The following SPIB variants were observed in gnomAD, a reference collection of about 807,000 sequenced individuals.
SPIB encodes Spi-B transcription factor.
In SPIB, 7 loss-of-function variants were observed where a neutral mutation model predicts 31.9. The observed-to-expected ratio is 0.22, with a 90% CI of 0.12 to 0.41. The LOEUF (loss-of-function observed/expected upper bound fraction) is 0.41, where lower values mean the gene tolerates loss of function less well. Ranked by LOEUF, SPIB falls within the 10% of genes least tolerant of loss-of-function variation. The pLI is 1.00. For synonymous variants in SPIB, 176 were observed against 158.9 expected, an observed-to-expected ratio of 1.11 and a Z score of -0.81; for missense variants, 327 against 360.2, an observed-to-expected ratio of 0.91 and a Z score of 0.75.
Position 50,428,341 on chromosome 19 carries a change from A to T in SPIB, c.*5A>T, listed in dbSNP as rs1202997019. On this transcript the variant is annotated 3_prime_UTR_variant, in exon 6 of 6. Coordinates refer to ENST00000595883, the MANE Select transcript of SPIB (RefSeq NM_003121.5). The surrounding 1 kb of genome is among the most constrained non-coding windows in gnomAD (Gnocchi z 6.5). ...CCTGCAGTCCGCCGGGCCTGAGCAC[A>T]CCCGAGGCTCCCACCTGCGGAGCCG... 2 of 1,534,172 alleles carry T rather than the reference A, an allele frequency of 1.3e-6. No individual in the cohort carries two copies. Among genetic ancestry groups the T allele is most frequent in the Admixed American group, 2.0e-5 (1 of 49,126 alleles).
chr19:50,426,283 TGA>T (rs2039564892), intron 5 of SPIB, among the ~76,000 whole-genome samples: 2 of 152,180 alleles, frequency 1.3e-5, no homozygotes, highest in South Asian at 4.1e-4. Context: ...ACGCTGTGCC[TGA>T]GAGGGGGTCA....
In SPIB at chr19:50,419,930, G is replaced by A. The variant is rs376528832; in HGVS notation, c.24-16G>A. 1.9e-6 allele frequency: 3 copies of A among 1,539,576 alleles called. No homozygotes were observed. The highest frequency in any genetic ancestry group is 2.8e-5 in the African/African-American group (2 of 70,210). ...GGAGGCAGCCTCAGCATGCCCCTGT[G>A]TCTCTCCCCCTCCAGGCTCGACGGG... is the stretch of plus-strand genomic sequence containing the variant. On this transcript the variant is annotated splice_polypyrimidine_tract_variant and intron_variant, in intron 1 of 5. Transcript: ENST00000595883.
intron 2 of SPIB, among the ~76,000 whole-genome samples, chr19:50,420,221 T>G (rs928759389): frequency 6.6e-6 from 1 of 152,210 alleles, no homozygotes; most frequent in Non-Finnish European, 1.5e-5. Flanking sequence ...CAATGTATTT[T>G]CATGTTCCTT....
chr19:50,427,780 A>G (rs192615878), intron 5 of SPIB, among the ~76,000 whole-genome samples: 2 of 152,004 alleles, frequency 1.3e-5, no homozygotes, highest in Admixed American at 1.3e-4. Flanking sequence ...AAGGCAGGAC[A>G]GATGTAAATC....
rs761498229 is a variant in SPIB, at chr19:50,424,674, G to A, written c.490+919G>A. Among the ~76,000 whole-genome samples, 4 of 152,020 alleles carry A rather than the reference G, an allele frequency of 2.6e-5. No individual in the cohort carries two copies. In the South Asian group the frequency reaches 6.2e-4, roughly 24 times the overall value. ...TGTGCACCTGTAGTCCCAGCTACTCGGGAGGCTGAGGCAGAAGAATCGCTT... is the reference window on the plus strand; with the variant it reads ...TGTGCACCTGTAGTCCCAGCTACTCAGGAGGCTGAGGCAGAAGAATCGCTT... On this transcript the variant is annotated intron_variant, in intron 5 of 5. Transcript: ENST00000595883.
At position 50,428,682 on chromosome 19, in the gene SPIB, C is replaced by A. The variant is rs2463244; in HGVS notation, c.*346C>A. 3,373 of 303,830 alleles carry A rather than the reference C, an allele frequency of 0.011. 117 individuals are homozygous for A. Among genetic ancestry groups the A allele is most frequent in the African/African-American group, 0.064 (2,973 of 46,474 alleles). The allele number at this position is 303,830 out of a possible 1,614,324, so 18.8% of individuals were successfully genotyped here. A position where few individuals can be genotyped will look rare whatever the true frequency, so the allele number is the denominator to read the frequency against. On this transcript the variant is annotated 3_prime_UTR_variant, in exon 6 of 6. Coordinates refer to ENST00000595883, the MANE Select transcript of SPIB (RefSeq NM_003121.5). The surrounding 1 kb of genome is among the most constrained non-coding windows in gnomAD (Gnocchi z 6.5). ...CTTCTCTGGGATTTTCTTGTGATAT[C>A]TGATTCCCCAGTGAGGCCTGGGACG...
intron 4 of SPIB, 167 bp downstream of exon 4, chr19:50,423,204 C>CAAAAAAAAAAA (rs59236153): frequency 7.0e-6 from 2 of 285,226 alleles, no homozygotes; most frequent in Non-Finnish European, 1.2e-5. Context: ...GACCCTGTCT[C>CAAAAAAAAAAA]AAAAAAAAAA....
intron 2 of SPIB, among the ~76,000 whole-genome samples, chr19:50,421,378 A>G (rs1191268139): frequency 6.6e-6 from 1 of 152,156 alleles, no homozygotes; most frequent in Non-Finnish European, 1.5e-5. Context: ...GCTGGAGTAC[A>G]GTGGTGCGAT....
chr19:50,423,779 GGGAGATGCCAGCT>G, intron 5 of SPIB, 24 bp downstream of exon 5: 4 of 1,583,870 alleles, frequency 2.5e-6, no homozygotes, highest in Non-Finnish European at 3.4e-6. Context: ...GCTGGGGTGG[GGGAGATGCCAGCT>G]GGAGATGGTG....
Position 50,422,999 on chromosome 19 carries a change from G to A in SPIB, c.301G>A (p.Gly101Ser). The change falls in exon 4 of 6, where the codon GGC becomes AGC. Residue 101 changes from glycine to serine, a missense_variant. By Grantham distance (56) the Gly-to-Ser change is moderately conservative (BLOSUM62 0). Coordinates refer to ENST00000595883, the MANE Select transcript of SPIB (RefSeq NM_003121.5). The part of the protein sequence containing the change: ...LAPSLEAPGP[G>S]LPAYPTENFA... ...CCCCAGCCTGGAGGCCCCGGGGCCT[G>A]GCCTCCCTGCATACCCCACGGAGAA... The A allele has an allele frequency of 6.4e-7, 1 of 1,553,670 alleles. No individual in the cohort carries two copies. The highest frequency in any genetic ancestry group is 8.7e-7 in the Non-Finnish European group (1 of 1,147,710).
chr19:50,426,895 C>T (rs2039571536), intron 5 of SPIB, among the ~76,000 whole-genome samples: 1 of 151,738 alleles, frequency 6.6e-6, no homozygotes, highest in African/African-American at 2.4e-5. Context: ...TTTGGGAGGC[C>T]GAGGTGGGAG....
chr19:50,419,466 C>T (rs1286525805), intron 1 of SPIB, among the ~76,000 whole-genome samples: 1 of 152,178 alleles, frequency 6.6e-6, no homozygotes, highest in African/African-American at 2.4e-5. Flanking sequence ...CAGGAATCCT[C>T]CCCGCCTCTG....
At chr19:50,419,234 T>G (rs1180246086) in intron 1 of SPIB, among the ~76,000 whole-genome samples, 3 of 152,084 alleles carry the variant, frequency 2.0e-5, no homozygotes, top group Admixed American at 6.5e-5. Flanking sequence ...TAGCGTGCCC[T>G]CCTGCGGGCG....
At chr19:50,419,291 C>T (rs1157142315) in intron 1 of SPIB, among the ~76,000 whole-genome samples, 2 of 152,178 alleles carry the variant, frequency 1.3e-5, no homozygotes, top group Non-Finnish European at 2.9e-5. Context: ...CCCCGAGTTC[C>T]CGTATCTGTT....
In SPIB at chr19:50,419,112, C is replaced by T. The variant is rs2463237; in HGVS notation, c.23+127C>T. 1.7e-3 allele frequency: 1,958 copies of T among 1,147,426 alleles called. 29 individuals carry two copies. In the African/African-American group the frequency reaches 0.027, roughly 16 times the overall value. The allele number at this position is 1,147,426 out of a possible 1,614,324, so 71.1% of individuals were successfully genotyped here. ...TGGGTGGGAGTGGAGGGGAGGGGTC[C>T]ACCCTGTCTCTTGCCCCTTCTGGTT... On this transcript the variant is annotated intron_variant, in intron 1 of 5. Coordinates refer to ENST00000595883, the MANE Select transcript of SPIB (RefSeq NM_003121.5).
rs1390305962 is a variant in SPIB, at chr19:50,430,399, C to A, written c.*2063C>A. Reference sequence around the variant, plus strand: ...GGTGCATGACTTGCTGCTTCCCAACCTTAGTTTGTCCCTTCTGTGAAAAAG... The same window carrying A: ...GGTGCATGACTTGCTGCTTCCCAACATTAGTTTGTCCCTTCTGTGAAAAAG... On this transcript the variant is annotated 3_prime_UTR_variant, in exon 6 of 6. Transcript: ENST00000595883. 1.3e-5 allele frequency: 2 copies of A among 152,120 alleles called. No homozygotes were observed. The highest frequency in any genetic ancestry group is 4.8e-5 in the African/African-American group (2 of 41,388). The allele number at this position is 152,120 out of a possible 1,614,324, so 9.4% of individuals were successfully genotyped here.
intron 2 of SPIB, among the ~76,000 whole-genome samples, chr19:50,422,032 G>T (rs1393513550): frequency 6.6e-6 from 1 of 152,256 alleles, no homozygotes; most frequent in African/African-American, 2.4e-5. Flanking sequence ...TGACAGGCGT[G>T]AGCCACCACG....
chr19:50,428,566 A>T lies in SPIB; in HGVS notation c.*230A>T. ...TCTGGGATTTCTTTGTCATGTACAG[A>T]CTCCCTGGGATCCTCATGTTTTGGG... On this transcript the variant is annotated 3_prime_UTR_variant, in exon 6 of 6. Coordinates refer to ENST00000595883, the MANE Select transcript of SPIB (RefSeq NM_003121.5). The surrounding 1 kb of genome is among the most constrained non-coding windows in gnomAD (Gnocchi z 6.5). 2.0e-6 allele frequency: 1 copy of T among 492,564 alleles called. No homozygotes were observed. Among genetic ancestry groups the T allele is most frequent in the Non-Finnish European group, 3.5e-6 (1 of 282,340 alleles). The allele number at this position is 492,564 out of a possible 1,614,324, so 30.5% of individuals were successfully genotyped here. A position where few individuals can be genotyped will look rare whatever the true frequency, so the allele number is the denominator to read the frequency against.
Position 50,429,173 on chromosome 19 carries a change from C to CT in SPIB, c.*838dup, listed in dbSNP as rs1221007120. ...TGCCCTTTCAGGGACCCCACAAAGA[C>CT]TGAGTTCTCATGGGGATCCTACCCT... On this transcript the variant is annotated 3_prime_UTR_variant, in exon 6 of 6. Coordinates refer to ENST00000595883, the MANE Select transcript of SPIB (RefSeq NM_003121.5). The CT allele has an allele frequency of 6.6e-6, 1 of 152,202 alleles. No individual in the cohort carries two copies. Among genetic ancestry groups the CT allele is most frequent in the African/African-American group, 2.4e-5 (1 of 41,422 alleles). The allele number at this position is 152,202 out of a possible 1,614,324, so 9.4% of individuals were successfully genotyped here. A position where few individuals can be genotyped will look rare whatever the true frequency, so the allele number is the denominator to read the frequency against.
Sources: allele counts gnomAD v4.1 joint callset (sites outside exome capture counted in the v4.1 genomes callset), GRCh38; gene constraint gnomAD v4.1.1; non-coding constraint Gnocchi (gnomAD v3.1); transcripts MANE v1.5; gene names NCBI Gene and HGNC (gene_info 2026-07-23, HGNC 2026-07-21).